Variants in LRRC4C observed in about 807,000 individuals in gnomAD.
LRRC4C encodes leucine rich repeat containing 4C.
In LRRC4C, 5 loss-of-function variants were observed where a neutral mutation model predicts 33.6. The observed-to-expected ratio is 0.15, with a 90% CI of 0.08 to 0.31. LRRC4C has a LOEUF of 0.31. Ranked by LOEUF, LRRC4C falls within the 10% of genes least tolerant of loss-of-function variation. LRRC4C has a pLI of 1.00. For synonymous variants in LRRC4C, 329 were observed against 302.0 expected (o/e 1.09, Z -0.93); for missense variants, 560 against 796.7 (o/e 0.70, Z 3.58).
At chr11:40,451,985 G>A (rs1951908508) in intron 3 of LRRC4C, among the ~76,000 whole-genome samples, 1 of 152,146 alleles carries the variant, frequency 6.6e-6, no homozygotes. Context: ...GTGAGCCAAA[G>A]CAGGGTGAGG....
At chr11:40,960,579 G>T (rs1850907749) in intron 1 of LRRC4C, among the ~76,000 whole-genome samples, 1 of 151,650 alleles carries the variant, frequency 6.6e-6, no homozygotes, top group African/African-American at 2.4e-5. Context: ...AGTTCTTACT[G>T]GAAATTAAGT....
chr11:40,202,277 C>G (rs1415155001), intron 5 of LRRC4C, among the ~76,000 whole-genome samples: 1 of 146,928 alleles, frequency 6.8e-6, no homozygotes, highest in Non-Finnish European at 1.5e-5. Context: ...GGAGGCTGTC[C>G]AAAGTAGGCA....
At chr11:41,371,228 C>T (rs1160016721) in intron 1 of LRRC4C, among the ~76,000 whole-genome samples, 1 of 152,040 alleles carries the variant, frequency 6.6e-6, no homozygotes, top group Non-Finnish European at 1.5e-5. Flanking sequence ...ATAAAATGTC[C>T]AAAACAATTT....
intron 2 of LRRC4C, among the ~76,000 whole-genome samples, chr11:40,761,832 T>C (rs140475772): frequency 3.9e-5 from 6 of 152,262 alleles, no homozygotes; most frequent in African/African-American, 1.2e-4. Context: ...GGTTCCACAT[T>C]GAAATAACAA....
intron 3 of LRRC4C, among the ~76,000 whole-genome samples, chr11:40,562,945 TC>T (rs936369305): frequency 2.6e-5 from 4 of 151,742 alleles, no homozygotes; most frequent in African/African-American, 9.7e-5. Flanking sequence ...TTTTTTTTTT[TC>T]TTTTTTTTTT....
At chr11:41,023,416 T>C (rs1022898391) in intron 1 of LRRC4C, among the ~76,000 whole-genome samples, 1 of 151,696 alleles carries the variant, frequency 6.6e-6, no homozygotes, top group African/African-American at 2.4e-5. Flanking sequence ...ACATCCATGG[T>C]AAAAGAATTA....
intron 3 of LRRC4C, among the ~76,000 whole-genome samples, chr11:40,330,917 T>C (rs1946333373): frequency 6.6e-6 from 1 of 152,208 alleles, no homozygotes; most frequent in South Asian, 2.1e-4. Flanking sequence ...GCACTAGAAC[T>C]TATTCCTCCT....
intron 3 of LRRC4C, among the ~76,000 whole-genome samples, chr11:40,635,471 TACAC>T (rs1024579370): frequency 1.3e-5 from 2 of 151,882 alleles, no homozygotes; most frequent in African/African-American, 4.8e-5. Context: ...AGAAAGAACA[TACAC>T]ACAGACACAT....
intron 6 of LRRC4C, among the ~76,000 whole-genome samples, chr11:40,120,281 C>G (rs1032846875): frequency 2.6e-5 from 4 of 152,178 alleles, no homozygotes; most frequent in Admixed American, 6.5e-5. Flanking sequence ...GGACTACACC[C>G]CTGCCCCATT....
At chr11:41,170,410 T>G (rs1033762986) in intron 1 of LRRC4C, among the ~76,000 whole-genome samples, 17 of 152,130 alleles carry the variant, frequency 1.1e-4, no homozygotes, top group Non-Finnish European at 1.9e-4. Flanking sequence ...AACAGAGATA[T>G]AGACCAATGG....
chr11:41,239,996 ATTGTG>A (rs1230063586), intron 1 of LRRC4C, among the ~76,000 whole-genome samples: 1 of 152,192 alleles, frequency 6.6e-6, no homozygotes, highest in African/African-American at 2.4e-5. Context: ...GCTATTAAAA[ATTGTG>A]TTGTGTCCAA....
intron 5 of LRRC4C, among the ~76,000 whole-genome samples, chr11:40,161,042 C>T (rs1859110301): frequency 6.6e-6 from 1 of 152,104 alleles, no homozygotes; most frequent in Non-Finnish European, 1.5e-5. Flanking sequence ...AATTATTGAC[C>T]ATGGGGCTTC....
chr11:41,210,109 A>T (rs1946761396), intron 1 of LRRC4C, among the ~76,000 whole-genome samples: 1 of 152,168 alleles, frequency 6.6e-6, no homozygotes, highest in East Asian at 1.9e-4. Flanking sequence ...AGCCTCCAGA[A>T]CTGTGAGAAT....
chr11:41,173,286 A>C (rs1046962791), intron 1 of LRRC4C, among the ~76,000 whole-genome samples: 4 of 152,140 alleles, frequency 2.6e-5, no homozygotes, highest in African/African-American at 4.8e-5. Context: ...AACATGAATA[A>C]TTGAAAATGT....
chr11:40,741,791 C>T (rs1948167918), intron 2 of LRRC4C, among the ~76,000 whole-genome samples: 1 of 151,886 alleles, frequency 6.6e-6, no homozygotes, highest in South Asian at 2.1e-4. Flanking sequence ...GATCTGATTA[C>T]CACTCTCTTA....
At chr11:40,774,210 G>T (rs1442235486) in intron 2 of LRRC4C, among the ~76,000 whole-genome samples, 1 of 151,992 alleles carries the variant, frequency 6.6e-6, no homozygotes, top group East Asian at 1.9e-4. Flanking sequence ...AATATTCCAT[G>T]TATAGATATA....
At chr11:41,409,686 A>C (rs933289954) in intron 1 of LRRC4C, among the ~76,000 whole-genome samples, 6 of 152,200 alleles carry the variant, frequency 3.9e-5, no homozygotes, top group Admixed American at 1.3e-4. Flanking sequence ...TATACCAAGA[A>C]AAAGAAGCAC....
At position 40,463,414 on chromosome 11, in the gene LRRC4C, G is replaced by A. The variant is rs562111323; in HGVS notation, c.-269-143693C>T. ...GATCTTAGGAAAACAATTGGCAAAT[G>A]CTTACTATAGATACTGAGTTTAATT... On this transcript the variant is annotated intron_variant, in intron 3 of 6. Coordinates refer to ENST00000528697, the MANE Select transcript of LRRC4C (RefSeq NM_001258419.2). Among the ~76,000 whole-genome samples the A allele has an allele frequency of 2.1e-4, 32 of 151,544 alleles. 2 individuals are homozygous for A. Among genetic ancestry groups the A allele is most frequent in the African/African-American group, 7.0e-4 (29 of 41,406 alleles).
At chr11:40,244,653 C>T (rs923861722) in intron 4 of LRRC4C, among the ~76,000 whole-genome samples, 3 of 152,064 alleles carry the variant, frequency 2.0e-5, no homozygotes, top group African/African-American at 7.2e-5. Flanking sequence ...CTCTCCCATG[C>T]ATGTTAATAA....
Sources: gnomAD v4.1 joint callset for allele counts (sites outside exome capture counted in the v4.1 genomes callset) on GRCh38, gnomAD v4.1.1 for gene constraint, MANE v1.5 for transcripts, NCBI Gene and HGNC (gene_info 2026-07-23, HGNC 2026-07-21) for gene names.